The following MYO1F variants were observed in gnomAD, a reference collection of about 807,000 sequenced individuals.
MYO1F encodes the protein unconventional myosin-If.
A neutral mutation model predicts 146.6 loss-of-function variants in MYO1F; 60 were observed. The observed-to-expected ratio is 0.41, with a 90% confidence interval of 0.33 to 0.51. MYO1F has a LOEUF of 0.51. Among genes scored for constraint, MYO1F ranks in the 20% least tolerant of loss-of-function variants. MYO1F has a pLI of 0.25. For missense variants in MYO1F, 1,274 were observed against 1,534.3 expected, an observed-to-expected ratio of 0.83 and a Z score of 2.83; for synonymous variants, 602 against 602.1, an observed-to-expected ratio of 1.00 and a Z score of 0.00.
Position 8,526,843 on chromosome 19 carries a change from C to T in MYO1F, c.2567G>A (p.Cys856Tyr), listed in dbSNP as rs1568332449. Residue 856 changes from cysteine to tyrosine, a missense_variant, in exon 23 of 28, where the codon TGC becomes TAC. By Grantham distance (194) the Cys-to-Tyr change is radical. This residue lies in a region of MYO1F where 374 missense variants were observed against 379.2 expected (regional missense o/e 0.99). Coordinates refer to ENST00000644032, the MANE Select transcript of MYO1F (RefSeq NM_012335.4). ...CCGCGTCGCCTCCTCGAAGCGCTTG[C>T]ACAGAAGGCTGACAAACTCGGTCTT... Reference protein sequence around the residue: ...VFKTEFVSLLCKRFEEATRRP... With the variant: ...VFKTEFVSLLYKRFEEATRRP... The T allele has an allele frequency of 1.2e-6, 2 of 1,613,908 alleles. No homozygotes were observed. The highest frequency in any genetic ancestry group is 2.2e-5 in the East Asian group (1 of 44,872).
At chr19:8,528,930 T>G (rs541676721) in intron 21 of MYO1F, among the ~76,000 whole-genome samples, 1 of 152,254 alleles carries the variant, frequency 6.6e-6, no homozygotes, top group South Asian at 2.1e-4. Flanking sequence ...TGAGCTGGCC[T>G]GCGGTCAGAG....
At chr19:8,526,219 C>T (rs1484669155) in intron 24 of MYO1F, among the ~76,000 whole-genome samples, 1 of 152,136 alleles carries the variant, frequency 6.6e-6, no homozygotes, top group Non-Finnish European at 1.5e-5. Flanking sequence ...CCCAGCTACT[C>T]GGGAGGCTGA....
At chr19:8,555,947 A>G (rs1196101478) in intron 1 of MYO1F, 151 bp from the exon 2 acceptor site, 7 of 788,034 alleles carry the variant, frequency 8.9e-6, no homozygotes, top group Non-Finnish European at 1.4e-5. Context: ...GCAGGGTCCA[A>G]GCCAGGCCCC....
At chr19:8,560,812 C>T (rs1478326201) in intron 1 of MYO1F, among the ~76,000 whole-genome samples, 9 of 147,644 alleles carry the variant, frequency 6.1e-5, no homozygotes, top group Non-Finnish European at 1.2e-4. Context: ...GATCTCGGCT[C>T]ACTGCAAGCT....
chr19:8,532,889 G>GAAA (rs60096210), intron 19 of MYO1F, among the ~76,000 whole-genome samples: 4 of 113,748 alleles, frequency 3.5e-5, no homozygotes, highest in African/African-American at 1.3e-4. Flanking sequence ...TCCTGTCTCA[G>GAAA]AAAAAAAAAA....
chr19:8,535,846 A>G (rs1972683641), intron 19 of MYO1F, among the ~76,000 whole-genome samples: 1 of 150,978 alleles, frequency 6.6e-6, no homozygotes, highest in South Asian at 2.1e-4. Context: ...TGCCCGGCTA[A>G]TTTTTTTTGT....
At chr19:8,546,080 T>C (rs1973341670) in intron 12 of MYO1F, among the ~76,000 whole-genome samples, 1 of 146,176 alleles carries the variant, frequency 6.8e-6, no homozygotes, top group African/African-American at 2.6e-5. Flanking sequence ...TTTTTTTTTT[T>C]TGAGATGGAG....
Position 8,530,635 on chromosome 19 carries a change from G to C in MYO1F, c.2044-62C>G. 2 of 1,341,902 alleles carry C rather than the reference G, an allele frequency of 1.5e-6. No homozygotes were observed. Among genetic ancestry groups the C allele is most frequent in the Non-Finnish European group, 2.1e-6 (2 of 944,414 alleles). 83.1% of individuals were successfully genotyped at this position (1,341,902 alleles called of 1,614,324 possible). ...GTGTCTCCCCAGGGGCTGCAGTTCC[G>C]GGTTTTCCCTGCGCTCACCCTACTC... On this transcript the variant is annotated intron_variant, in intron 19 of 27. Transcript: ENST00000644032. This position sits in a 1 kb window ranked among gnomAD's most constrained non-coding sequence, Gnocchi z 5.8.
intron 8 of MYO1F, among the ~76,000 whole-genome samples, chr19:8,551,261 A>G (rs1410393528): frequency 6.6e-6 from 1 of 151,714 alleles, no homozygotes; most frequent in African/African-American, 2.4e-5. Context: ...TATGTTGGCC[A>G]GGCTGGTCTT....
In MYO1F at chr19:8,537,527, C is replaced by T. The variant is rs553808147; in HGVS notation, c.1693-472G>A. Among the ~76,000 whole-genome samples, 6 of 152,240 alleles carry T rather than the reference C, an allele frequency of 3.9e-5. No individual in the cohort carries two copies. In the East Asian group the frequency reaches 9.6e-4, roughly 24 times the overall value. ...TGCCATCTTGGCTCACTGCAACCTC[C>T]ACCACCTGGATCCAAGAGATCCTTC... On this transcript the variant is annotated intron_variant, in intron 16 of 27. Transcript: ENST00000644032.
intron 22 of MYO1F, 51 bp from the exon 23 acceptor site, chr19:8,526,986 G>T: frequency 6.2e-7 from 1 of 1,605,880 alleles, no homozygotes; most frequent in Middle Eastern, 1.7e-4. Flanking sequence ...GAGGGCGACA[G>T]GTGAGAGAGA....
chr19:8,551,544 G>A, intron 8 of MYO1F, 196 bp downstream of exon 8: 2 of 691,794 alleles, frequency 2.9e-6, no homozygotes, highest in East Asian at 2.9e-5. Flanking sequence ...TAGAGACGGG[G>A]TTTAACCACG....
intron 12 of MYO1F, among the ~76,000 whole-genome samples, chr19:8,546,906 T>C (rs1973382934): frequency 6.6e-6 from 1 of 151,834 alleles, no homozygotes. Context: ...CTCAAACTCC[T>C]GACCTCAGGT....
chr19:8,561,349 ATTCCCTCCC>A (rs995408923), intron 1 of MYO1F, among the ~76,000 whole-genome samples: 10 of 128,224 alleles, frequency 7.8e-5, no homozygotes, highest in African/African-American at 3.1e-4. Flanking sequence ...GTCAGCATGA[ATTCCCTCCC>A]TCCCTCCCTC....
chr19:8,525,622 C>T, intron 24 of MYO1F, 60 bp from the exon 25 acceptor site: 5 of 1,428,494 alleles, frequency 3.5e-6, no homozygotes, highest in Non-Finnish European at 3.9e-6. Flanking sequence ...GCCCCGCCCA[C>T]AAATCTAGTC....
intron 8 of MYO1F, chr19:8,551,466 C>T (rs1973608362): frequency 4.5e-6 from 2 of 442,910 alleles, no homozygotes; most frequent in South Asian, 2.1e-5. Flanking sequence ...ATTTTCCTGC[C>T]TCTGCCTCCC....
chr19:8,548,145 C>G (rs1158201719), intron 11 of MYO1F, 23 bp from the exon 12 acceptor site: 2 of 1,613,480 alleles, frequency 1.2e-6, no homozygotes, highest in Non-Finnish European at 1.7e-6. Context: ...GAAAAGGGTC[C>G]TTCCCTCAAT....
chr19:8,530,539 A>G lies in MYO1F; in HGVS notation c.2078T>C (p.Phe693Ser), dbSNP rs371664382. ...FLLEEVRERK[F>S]DGFARTIQKA... ...CTGGATGGTTCGGGCAAAGCCATCG[A>G]ACTTTCGCTCTCGCACCTCCTCCAG... The change falls in exon 20 of 28, where the codon TTC becomes TCC. Residue 693 changes from phenylalanine to serine, a missense_variant. Physicochemically the swap from Phe to Ser is radical, Grantham distance 155. Around this residue, in one of 2 missense-constraint regions of MYO1F, gnomAD observed 900 missense variants for 1,155.1 expected, o/e 0.78. Transcript: ENST00000644032. The surrounding 1 kb of genome is among the most constrained non-coding windows in gnomAD (Gnocchi z 5.8). 6.2e-7 allele frequency: 1 copy of G among 1,613,098 alleles called. No homozygotes were observed. Among genetic ancestry groups the G allele is most frequent in the Non-Finnish European group, 8.5e-7 (1 of 1,180,018 alleles).
At chr19:8,559,506 G>A (rs187570050) in intron 1 of MYO1F, among the ~76,000 whole-genome samples, 312 of 152,124 alleles carry the variant, frequency 2.1e-3, no homozygotes, top group African/African-American at 6.9e-3. Context: ...AGTCTCCATC[G>A]TCTCATCTAT....
Sources: allele counts gnomAD v4.1 joint callset (sites outside exome capture counted in the v4.1 genomes callset), GRCh38; gene constraint gnomAD v4.1.1; regional missense constraint gnomAD v4.1.1; non-coding constraint Gnocchi (gnomAD v3.1); transcripts MANE v1.5; gene names NCBI Gene and HGNC (gene_info 2026-07-23, HGNC 2026-07-21).